PASD1: variants seen among roughly 807,000 people sequenced by gnomAD.
PASD1 encodes the protein PAS domain containing repressor 1.
PASD1 carries 13 observed loss-of-function variants against 58.8 expected under a neutral mutation model. That is an observed-to-expected ratio of 0.22 (90% CI 0.14 to 0.35). The LOEUF is 0.35. PASD1 is among the 10% of genes least tolerant of loss of function. The pLI, the probability that PASD1 is intolerant of heterozygous loss-of-function variation, is 1.00. For synonymous variants in PASD1, 236 were observed against 216.7 expected (o/e 1.09, Z -0.78); for missense variants, 734 against 568.3 (o/e 1.29, Z -2.96).
At chrX:151,630,498 T>C (rs780298949) in intron 8 of PASD1, among the ~76,000 whole-genome samples, 1 of 112,560 alleles carries the variant, frequency 8.9e-6, no homozygotes, top group South Asian at 3.7e-4. Flanking sequence ...ACCAGTACCC[T>C]ATTGCTTGAT....
rs2014462948 is a variant in PASD1, at chrX:151,671,155, A to C, written c.1189A>C (p.Asn397His). 1.2e-5 allele frequency: 14 copies of C among 1,210,331 alleles called. No individual in the cohort carries two copies. The highest frequency in any genetic ancestry group is 1.6e-5 in the Non-Finnish European group (14 of 895,332). Reference sequence around the variant, plus strand: ...TTGGTTGCTGCATGATGCCATCCAAAACCAGCAGAATGCATTGGAATTGAT... The same window carrying C: ...TTGGTTGCTGCATGATGCCATCCAACACCAGCAGAATGCATTGGAATTGAT... ...RTWLLHDAIQ[N>H]QQNALELMMD... The change falls in exon 12 of 16, where the codon AAC becomes CAC. Residue 397 changes from asparagine (N) to histidine (H), a missense_variant. Physicochemically the swap from Asn to His is moderately conservative, Grantham distance 68. Coordinates refer to ENST00000370357, the MANE Select transcript of PASD1 (RefSeq NM_173493.3).
chrX:151,676,285 GT>G lies in PASD1; in HGVS notation c.*144del. Reference sequence around the variant, plus strand: ...TAGAGACTTATTTGTTTCCTGATAGGTTATGTTTGTAATTGTTTGTTAAGCA... The same window carrying G: ...TAGAGACTTATTTGTTTCCTGATAGGTATGTTTGTAATTGTTTGTTAAGCA... On this transcript the variant is annotated 3_prime_UTR_variant, in exon 16 of 16. Coordinates refer to ENST00000370357, the MANE Select transcript of PASD1 (RefSeq NM_173493.3). 1 of 608,589 alleles carries G rather than the reference GT, an allele frequency of 1.6e-6. No homozygotes were observed. The highest frequency in any genetic ancestry group is 2.4e-6 in the Non-Finnish European group (1 of 410,669). 50.2% of individuals were successfully genotyped at this position (608,589 alleles called of 1,213,427 possible). A position where few individuals can be genotyped will look rare whatever the true frequency, so the allele number is the denominator to read the frequency against.
intron 10 of PASD1, among the ~76,000 whole-genome samples, chrX:151,663,133 A>G (rs1489913797): frequency 2.7e-5 from 3 of 112,022 alleles, no homozygotes; most frequent in African/African-American, 9.7e-5. Flanking sequence ...GTTGAGAGTC[A>G]TGTATCCATC....
intron 8 of PASD1, among the ~76,000 whole-genome samples, chrX:151,634,480 G>T (rs1204654242): frequency 1.8e-5 from 2 of 110,656 alleles, no homozygotes; most frequent in Non-Finnish European, 3.8e-5. Flanking sequence ...AATTTTGTCA[G>T]TTATCTTTTG....
chrX:151,607,814 T>G lies in PASD1; in HGVS notation c.117+3080T>G, dbSNP rs149745191. ...ACTGCCTTCATGAATCCAGTCCCTTTGGATGGATACTGAAGCACCTAGTGC... is the reference window on the plus strand; with the variant it reads ...ACTGCCTTCATGAATCCAGTCCCTTGGGATGGATACTGAAGCACCTAGTGC... On this transcript the variant is annotated intron_variant, in intron 3 of 15. Transcript: ENST00000370357. 7.1e-3 allele frequency among the ~76,000 whole-genome samples: 799 copies of G among 111,872 alleles called. 13 individuals carry two copies. Among genetic ancestry groups the G allele is most frequent in the African/African-American group, 0.025 (773 of 30,764 alleles).
chrX:151,659,989 A>G (rs1453473322), intron 10 of PASD1, among the ~76,000 whole-genome samples, 153 bp downstream of exon 10: 1 of 112,522 alleles, frequency 8.9e-6, no homozygotes, highest in Non-Finnish European at 1.9e-5. Flanking sequence ...AATATTTGAG[A>G]TGATGATTTG....
At chrX:151,674,636 C>T (rs1015664007) in intron 15 of PASD1, among the ~76,000 whole-genome samples, 14 of 112,487 alleles carry the variant, frequency 1.2e-4, no homozygotes, top group Middle Eastern at 4.6e-3. Context: ...TGGGGTACCC[C>T]GTATTTGGAA....
rs201580307 is a variant in PASD1, at chrX:151,674,173, C to T, written c.2162C>T (p.Pro721Leu). 4 of 1,211,872 alleles carry T rather than the reference C, an allele frequency of 3.3e-6. No individual in the cohort carries two copies. The highest frequency in any genetic ancestry group is 2.3e-4 in the Middle Eastern group (1 of 4,329). Reference protein sequence around the residue: ...CDEQGTLHGQPTYHQVQVSEV... With the variant: ...CDEQGTLHGQLTYHQVQVSEV... ...GAGCAGGGCACCCTGCACGGCCAAC[C>T]CACCTACCATCAGGTATGGGACAGC... Residue 721 changes from proline (P) to leucine (L), a missense_variant, in exon 15 of 16, where the codon CCC (proline) becomes CTC (leucine). Coordinates refer to ENST00000370357, the MANE Select transcript of PASD1 (RefSeq NM_173493.3).
At chrX:151,579,287 G>A (rs2013052671) in intron 1 of PASD1, among the ~76,000 whole-genome samples, 1 of 112,064 alleles carries the variant, frequency 8.9e-6, no homozygotes, top group South Asian at 3.7e-4. Flanking sequence ...ACTTAAGCCT[G>A]TTACTAACTT....
At chrX:151,573,605 G>A (rs1049320472) in intron 1 of PASD1, among the ~76,000 whole-genome samples, 1 of 112,792 alleles carries the variant, frequency 8.9e-6, no homozygotes, top group Non-Finnish European at 1.9e-5. Flanking sequence ...GGAGGACAGA[G>A]GATCAGAAAA....
intron 9 of PASD1, among the ~76,000 whole-genome samples, chrX:151,651,314 TC>T (rs915251700): frequency 8.9e-6 from 1 of 112,351 alleles, no homozygotes; most frequent in African/African-American, 3.2e-5. Flanking sequence ...TGCCATCCAT[TC>T]CTAGAGACAG....
At chrX:151,594,830 A>T (rs2013297304) in intron 1 of PASD1, among the ~76,000 whole-genome samples, 1 of 111,160 alleles carries the variant, frequency 9.0e-6, no homozygotes, top group Non-Finnish European at 1.9e-5. Context: ...TAAAGCTGGT[A>T]TGCTTCTCAT....
At chrX:151,586,531 C>T (rs2013168144) in intron 1 of PASD1, among the ~76,000 whole-genome samples, 1 of 111,507 alleles carries the variant, frequency 9.0e-6, no homozygotes, top group Non-Finnish European at 1.9e-5. Context: ...TCGAACAGGG[C>T]TGTTGTAAGG....
chrX:151,649,080 T>C (rs2014098804), intron 9 of PASD1, among the ~76,000 whole-genome samples: 1 of 111,945 alleles, frequency 8.9e-6, no homozygotes, highest in Non-Finnish European at 1.9e-5. Context: ...GAATGTATCA[T>C]CAATTTATTC....
chrX:151,582,557 G>A (rs779333953), intron 1 of PASD1, among the ~76,000 whole-genome samples: 23 of 111,541 alleles, frequency 2.1e-4, no homozygotes, highest in Admixed American at 5.7e-4. Flanking sequence ...AGCTCTAGGT[G>A]GGAGAGAGAT....
chrX:151,627,861 C>G (rs2013811246), intron 8 of PASD1, among the ~76,000 whole-genome samples: 1 of 111,571 alleles, frequency 9.0e-6, no homozygotes, highest in Admixed American at 9.5e-5. Context: ...TCCTCTCCAG[C>G]ACCTGTTCTT....
At chrX:151,620,176 A>T (rs976658299) in intron 4 of PASD1, among the ~76,000 whole-genome samples, 1 of 112,201 alleles carries the variant, frequency 8.9e-6, no homozygotes, top group African/African-American at 3.2e-5. Flanking sequence ...CAAATAGATG[A>T]CAGATATCAT....
intron 4 of PASD1, among the ~76,000 whole-genome samples, chrX:151,612,501 TCGCC>T (rs1187686329): frequency 5.7e-4 from 63 of 110,586 alleles, no homozygotes; most frequent in Non-Finnish European, 3.4e-4. Context: ...TTTTTAATGA[TCGCC>T]ATTCTAACTG....
Position 151,659,788 on chromosome X carries a change from A to T in PASD1, c.793A>T (p.Thr265Ser), listed in dbSNP as rs764767655. 2 of 1,205,939 alleles carry T rather than the reference A, an allele frequency of 1.7e-6. No individual in the cohort carries two copies. Among genetic ancestry groups the T allele is most frequent in the Non-Finnish European group, 2.2e-6 (2 of 890,296 alleles). Reference protein sequence around the residue: ...NVHMFVDSDSTYCSSTVFLDT... With the variant: ...NVHMFVDSDSSYCSSTVFLDT... ...TCACATGTTTGTAGATTCTGATTCA[A>T]CTTATTGCTCCAGTACAGTTTTCCT... is the stretch of plus-strand genomic sequence containing the variant. Residue 265 changes from threonine to serine, a missense_variant, in exon 10 of 16, where the codon ACT becomes TCT. Physicochemically the swap from Thr to Ser is moderately conservative, Grantham distance 58. Coordinates refer to ENST00000370357, the MANE Select transcript of PASD1 (RefSeq NM_173493.3).
Sources: gnomAD v4.1 joint callset for allele counts (sites outside exome capture counted in the v4.1 genomes callset) on GRCh38, gnomAD v4.1.1 for gene constraint, MANE v1.5 for transcripts, NCBI Gene and HGNC (gene_info 2026-07-23, HGNC 2026-07-21) for gene names.